ADAMTS15: variants seen among roughly 807,000 people sequenced by gnomAD.
ADAMTS15 encodes the protein ADAM metallopeptidase with thrombospondin type 1 motif 15.
Under a neutral mutation model 79.1 loss-of-function variants are expected in ADAMTS15, and 35 were observed. The observed-to-expected ratio is 0.44, with a 90% CI of 0.34 to 0.59. The LOEUF (loss-of-function observed/expected upper bound fraction) is 0.59. Ranked by LOEUF, ADAMTS15 falls within the 20% of genes least tolerant of loss-of-function variation. ADAMTS15 has a pLI of 0.02. For missense variants in ADAMTS15, 1,324 were observed against 1,318.7 expected (o/e 1.00, Z -0.06); for synonymous variants, 616 against 567.3 (o/e 1.09, Z -1.22).
intron 1 of ADAMTS15, among the ~76,000 whole-genome samples, chr11:130,457,819 A>G (rs945210072): frequency 6.6e-6 from 1 of 152,204 alleles, no homozygotes; most frequent in Non-Finnish European, 1.5e-5. Context: ...GCAGAGGCCC[A>G]GCGGTTCTTC....
At position 130,473,264 on chromosome 11, in the gene ADAMTS15, G is replaced by A; in HGVS notation, c.2296G>A (p.Val766Met). 12 of 1,613,478 alleles carry A rather than the reference G, an allele frequency of 7.4e-6. No individual in the cohort carries two copies. Among genetic ancestry groups the A allele is most frequent in the Non-Finnish European group, 1.0e-5 (12 of 1,180,022 alleles). Residue 766 changes from valine (V) to methionine (M), a missense_variant, in exon 8 of 8, where the codon GTG becomes ATG. Val to Met is a conservative substitution (Grantham distance 21). Coordinates refer to ENST00000299164, the MANE Select transcript of ADAMTS15 (RefSeq NM_139055.4). ...GCGGTACAGCGGCACGGGCACAGCG[G>A]TGGAGAGCCTGCAGGCTTCCCGGCC... ...LLRYSGTGTAVESLQASRPIL... is the reference protein window; with the variant it reads ...LLRYSGTGTAMESLQASRPIL...
At position 130,449,942 on chromosome 11, in the gene ADAMTS15, T is replaced by G. The variant is rs773526277; in HGVS notation, c.957+12T>G. ...TCTTCACCAGGCAGGTGAGTTGATC[T>G]GCCGTCACTTTGCACCCAGATAGTC... On this transcript the variant is annotated intron_variant, in intron 1 of 7. Coordinates refer to ENST00000299164, the MANE Select transcript of ADAMTS15 (RefSeq NM_139055.4). This position sits in a 1 kb window ranked among gnomAD's most constrained non-coding sequence, Gnocchi z 7.8. The G allele has an allele frequency of 3.8e-6, 6 of 1,595,974 alleles. No individual in the cohort carries two copies. The highest frequency in any genetic ancestry group is 5.1e-6 in the Non-Finnish European group (6 of 1,177,088).
At position 130,449,969 on chromosome 11, in the gene ADAMTS15, C is replaced by T; in HGVS notation, c.957+39C>T. 1 of 1,583,908 alleles carries T rather than the reference C, an allele frequency of 6.3e-7. No homozygotes were observed. Among genetic ancestry groups the T allele is most frequent in the East Asian group, 2.2e-5 (1 of 44,568 alleles). ...CCGTCACTTTGCACCCAGATAGTCC[C>T]GTTCTTTAGGGTCACCTCCCCTAGC... On this transcript the variant is annotated intron_variant, in intron 1 of 7. Transcript: ENST00000299164. This position sits in a 1 kb window ranked among gnomAD's most constrained non-coding sequence, Gnocchi z 7.8.
chr11:130,460,657 G>C (rs908680724), intron 1 of ADAMTS15, among the ~76,000 whole-genome samples: 1 of 152,180 alleles, frequency 6.6e-6, no homozygotes, highest in East Asian at 1.9e-4. Context: ...TAAGTTATCT[G>C]AATGTGTTTC....
rs75986195 is a variant in ADAMTS15, at chr11:130,471,611, G to T, written c.2078+228G>T. ...CAGCAAGCAAAGACGAATGCTGGGGGAAGACCCACTTAACAGGAGATGGTA... is the reference window on the plus strand; with the variant it reads ...CAGCAAGCAAAGACGAATGCTGGGGTAAGACCCACTTAACAGGAGATGGTA... On this transcript the variant is annotated intron_variant, in intron 7 of 7. Coordinates refer to ENST00000299164, the MANE Select transcript of ADAMTS15 (RefSeq NM_139055.4). Among the ~76,000 whole-genome samples, 683 of 152,210 alleles carry T rather than the reference G, an allele frequency of 4.5e-3. 8 individuals carry two copies. Among genetic ancestry groups the T allele is most frequent in the African/African-American group, 0.015 (631 of 41,528 alleles).
In ADAMTS15 at chr11:130,463,565, G is replaced by T. The variant is rs186052724; in HGVS notation, c.1542+785G>T. On this transcript the variant is annotated intron_variant, in intron 4 of 7. Transcript: ENST00000299164. ...TCCCATCCCCTGTTCTCAGCTCGGG[G>T]ACGACTTGCCTCTGGGCACAGAGGC... Among the ~76,000 whole-genome samples, 599 of 152,236 alleles carry T rather than the reference G, an allele frequency of 3.9e-3. 5 individuals are homozygous for T. Among genetic ancestry groups the T allele is most frequent in the African/African-American group, 0.014 (583 of 41,550 alleles).
intron 1 of ADAMTS15, among the ~76,000 whole-genome samples, chr11:130,456,578 A>G (rs914177795): frequency 1.3e-5 from 2 of 152,242 alleles, no homozygotes; most frequent in Non-Finnish European, 2.9e-5. Context: ...ACAGTGATGC[A>G]TGGCAGAGAT....
intron 1 of ADAMTS15, among the ~76,000 whole-genome samples, chr11:130,455,822 C>T (rs1938065939): frequency 6.6e-6 from 1 of 152,182 alleles, no homozygotes; most frequent in African/African-American, 2.4e-5. Context: ...GCTCGTTCAA[C>T]CGGAGAGGTG....
chr11:130,462,015 C>T lies in ADAMTS15; in HGVS notation c.1091-72C>T. ...CCTCTGACATGGGCTTTCTAGTTCCCCTGCCCCATTCCTCCCTCCAACCCC... is the reference window on the plus strand; with the variant it reads ...CCTCTGACATGGGCTTTCTAGTTCCTCTGCCCCATTCCTCCCTCCAACCCC... On this transcript the variant is annotated intron_variant, in intron 2 of 7. Coordinates refer to ENST00000299164, the MANE Select transcript of ADAMTS15 (RefSeq NM_139055.4). This position sits in a 1 kb window ranked among gnomAD's most constrained non-coding sequence, Gnocchi z 4.3. 7.4e-7 allele frequency: 1 copy of T among 1,355,312 alleles called. No homozygotes were observed. 84.0% of individuals were successfully genotyped at this position (1,355,312 alleles called of 1,614,324 possible). A position where few individuals can be genotyped will look rare whatever the true frequency, so the allele number is the denominator to read the frequency against.
chr11:130,450,453 A>C, intron 1 of ADAMTS15: 1 of 985,118 alleles, frequency 1.0e-6, no homozygotes, highest in Non-Finnish European at 1.2e-6. Context: ...TGGGCCTGGA[A>C]AGCCTGGATT....
At chr11:130,470,190 A>ATATATG (rs1938417455) in intron 5 of ADAMTS15, among the ~76,000 whole-genome samples, 1 of 60,020 alleles carries the variant, frequency 1.7e-5, no homozygotes, top group Admixed American at 1.5e-4. Context: ...ATGTGTGTAT[A>ATATATG]TATATATATA....
At position 130,449,287 on chromosome 11, in the gene ADAMTS15, G is replaced by C; in HGVS notation, c.314G>C (p.Gly105Ala). The C allele has an allele frequency of 1.2e-6, 2 of 1,612,050 alleles. No homozygotes were observed. Among genetic ancestry groups the C allele is most frequent in the Non-Finnish European group, 1.7e-6 (2 of 1,180,032 alleles). ...GACCTGCGACGCTGCTTCTATTCTG[G>C]GGACGTGAACGCCGAGCCGGACTCG... ...SSDLRRCFYS[G>A]DVNAEPDSFA... The change falls in exon 1 of 8, where the codon GGG (glycine) becomes GCG (alanine). Residue 105 changes from glycine to alanine, a missense_variant. Physicochemically the swap from Gly to Ala is moderately conservative, Grantham distance 60. Transcript: ENST00000299164. This position sits in a 1 kb window ranked among gnomAD's most constrained non-coding sequence, Gnocchi z 7.8.
chr11:130,449,462 G>A lies in ADAMTS15; in HGVS notation c.489G>A (p.Pro163=), dbSNP rs906378366. The stretch of plus-strand genomic sequence containing the variant: ...ACCTTCTCCAGCGCCGGGGTGTTCC[G>A]GGCGGGCCTTCCGGAGACCCCACCT... ...GAHLLQRRGV[P]GGPSGDPTSR... The change falls in exon 1 of 8, where the codon CCG becomes CCA. Residue 163 remains proline, a synonymous_variant. Coordinates refer to ENST00000299164, the MANE Select transcript of ADAMTS15 (RefSeq NM_139055.4). This position sits in a 1 kb window ranked among gnomAD's most constrained non-coding sequence, Gnocchi z 7.8. 5.1e-6 allele frequency: 8 copies of A among 1,573,418 alleles called. No individual in the cohort carries two copies. The highest frequency in any genetic ancestry group is 6.9e-6 in the Non-Finnish European group (8 of 1,163,484).
intron 5 of ADAMTS15, among the ~76,000 whole-genome samples, chr11:130,469,943 A>G (rs979394081): frequency 3.3e-5 from 5 of 151,330 alleles, no homozygotes; most frequent in African/African-American, 1.2e-4. Context: ...AAAATTTAGT[A>G]TTTCTTTCAG....
rs138815910 is a variant in ADAMTS15, at chr11:130,469,312, A to G, written c.1593A>G (p.Thr531=). ...ATCCCTATGGCCCCTGCTCGCGCAC[A>G]TGTGGTGGGGGCGTGCAGCTGGCCA... ...KWDPYGPCSR[T]CGGGVQLARR... is the part of the protein sequence containing the mutation. Residue 531 remains threonine (T), a synonymous_variant, in exon 5 of 8, where the codon ACA becomes ACG. Coordinates refer to ENST00000299164, the MANE Select transcript of ADAMTS15 (RefSeq NM_139055.4). 1.6e-5 allele frequency: 23 copies of G among 1,401,880 alleles called. No homozygotes were observed. The highest frequency in any genetic ancestry group is 2.1e-5 in the Non-Finnish European group (23 of 1,073,130). The allele number at this position is 1,401,880 out of a possible 1,614,324, so 86.8% of individuals were successfully genotyped here.
chr11:130,456,896 A>G (rs1938092251), intron 1 of ADAMTS15, among the ~76,000 whole-genome samples: 1 of 152,204 alleles, frequency 6.6e-6, no homozygotes, highest in Non-Finnish European at 1.5e-5. Flanking sequence ...ATGGAAGCAA[A>G]GTCCGCTACA....
At position 130,470,158 on chromosome 11, in the gene ADAMTS15, ATATATATATATATATATATATATGTGTG is replaced by A. The variant is rs1246633927; in HGVS notation, c.1721-736_1721-709del. ...CATATATATATATATATATGTGTAT[ATATATATATATATATATATATATGTGTG>A]TATATATATATATATATATATATGT... On this transcript the variant is annotated intron_variant, in intron 5 of 7. Transcript: ENST00000299164. Among the ~76,000 whole-genome samples the A allele has an allele frequency of 2.0e-3, 101 of 49,900 alleles. 3 individuals are homozygous for A. The highest frequency in any genetic ancestry group is 7.3e-3 in the African/African-American group (64 of 8,746). The allele number at this position is 49,900 out of a possible 152,430, so 32.7% of individuals were successfully genotyped here. A position where few individuals can be genotyped will look rare whatever the true frequency, so the allele number is the denominator to read the frequency against.
At chr11:130,463,622 T>C (rs1197322809) in intron 4 of ADAMTS15, among the ~76,000 whole-genome samples, 3 of 152,122 alleles carry the variant, frequency 2.0e-5, no homozygotes, top group African/African-American at 7.2e-5. Context: ...CCAAGCACAT[T>C]ATCAATTGCC....
In ADAMTS15 at chr11:130,449,584, G is replaced by A. The variant is rs775373654; in HGVS notation, c.611G>A (p.Arg204Gln). ...RRAGFGESRSRRRSGRAKRFV... is the reference protein window; with the variant it reads ...RRAGFGESRSQRRSGRAKRFV... Reference sequence around the variant, plus strand: ...GCGGGCTTCGGGGAGAGTCGTAGCCGGCGCAGGTCTGGGCGCGCCAAGCGT... The same window carrying A: ...GCGGGCTTCGGGGAGAGTCGTAGCCAGCGCAGGTCTGGGCGCGCCAAGCGT... The change falls in exon 1 of 8, where the codon CGG (arginine) becomes CAG (glutamine). Residue 204 changes from arginine (R) to glutamine (Q), a missense_variant. Coordinates refer to ENST00000299164, the MANE Select transcript of ADAMTS15 (RefSeq NM_139055.4). The surrounding 1 kb of genome is among the most constrained non-coding windows in gnomAD (Gnocchi z 7.8). The A allele has an allele frequency of 6.3e-7, 1 of 1,598,670 alleles. No homozygotes were observed. Among genetic ancestry groups the A allele is most frequent in the African/African-American group, 1.3e-5 (1 of 74,902 alleles).
Sources: allele counts gnomAD v4.1 joint callset (sites outside exome capture counted in the v4.1 genomes callset), GRCh38; gene constraint gnomAD v4.1.1; non-coding constraint Gnocchi (gnomAD v3.1); transcripts MANE v1.5; gene names NCBI Gene and HGNC (gene_info 2026-07-23, HGNC 2026-07-21).